Variants in SLC51B observed in about 807,000 individuals in gnomAD.
SLC51B encodes organic solute transporter subunit beta.
A neutral mutation model predicts 8.0 loss-of-function variants in SLC51B; 6 were observed. That is an observed-to-expected ratio of 0.75 (90% CI 0.41 to 1.48). SLC51B has a LOEUF of 1.48. Among genes scored for constraint, SLC51B ranks in the 40% most tolerant of loss-of-function variants. The probability of loss-of-function intolerance (pLI) is 0.01; values close to 1 mark genes in which losing one functional copy is unlikely to be tolerated. For synonymous variants in SLC51B, 61 were observed against 54.8 expected, an observed-to-expected ratio of 1.11 and a Z score of -0.50; for missense variants, 150 against 149.7, an observed-to-expected ratio of 1.00 and a Z score of -0.01.
chr15:65,050,970 G>C (rs2086646436), intron 2 of SLC51B, among the ~76,000 whole-genome samples: 1 of 150,820 alleles, frequency 6.6e-6, no homozygotes, highest in African/African-American at 2.4e-5. Context: ...TCAGTCTCCT[G>C]AGTAGCTGGG....
rs540621998 is a variant in SLC51B at position 65,048,955 on chromosome 15, A to T, written c.-108-942A>T. On this transcript the variant is annotated intron_variant, in intron 1 of 3. Coordinates refer to ENST00000334287, the MANE Select transcript of SLC51B (RefSeq NM_178859.4). ...AACCTGGGAGGCGGAGGTTGCAGTG[A>T]GCAGAGATCGTGCCACTGCACTCCA... 2.4e-4 allele frequency among the ~76,000 whole-genome samples: 36 copies of T among 148,586 alleles called. 1 individual carries two copies. The highest frequency in any genetic ancestry group is 3.4e-3 in the Middle Eastern group (1 of 290).
chr15:65,050,132 G>A, intron 2 of SLC51B, 31 bp downstream of exon 2: 1 of 1,528,120 alleles, frequency 6.5e-7, no homozygotes, highest in Non-Finnish European at 8.9e-7. Context: ...GGCAGGGGTG[G>A]GGGTGTGCCC....
intron 1 of SLC51B, among the ~76,000 whole-genome samples, chr15:65,047,985 C>T (rs1268963707): frequency 1.3e-5 from 2 of 151,984 alleles, no homozygotes; most frequent in Non-Finnish European, 2.9e-5. Context: ...TCAAGACCAG[C>T]CTGGGAAACA....
intron 1 of SLC51B, among the ~76,000 whole-genome samples, chr15:65,046,150 A>G (rs918638761): frequency 3.3e-5 from 5 of 152,218 alleles, no homozygotes; most frequent in Non-Finnish European, 5.9e-5. Flanking sequence ...ATAATACAAA[A>G]ATTAGCTGGA....
chr15:65,049,811 T>G, intron 1 of SLC51B, 86 bp from the exon 2 acceptor site: 1 of 440,864 alleles, frequency 2.3e-6, no homozygotes. Context: ...TCCCATAACT[T>G]TGGGCCAGAG....
chr15:65,049,239 G>C, intron 1 of SLC51B: 1 of 151,424 alleles, frequency 6.6e-6, no homozygotes, highest in East Asian at 1.9e-4. Flanking sequence ...GATGGAAATA[G>C]GCCTACACGA....
At chr15:65,050,821 T>TTTC (rs1431757829) in intron 2 of SLC51B, among the ~76,000 whole-genome samples, 1 of 118,894 alleles carries the variant, frequency 8.4e-6, no homozygotes, top group South Asian at 3.0e-4. Context: ...TTTTTTTTTC[T>TTTC]TTCTTCTTCT....
chr15:65,051,377 G>A (rs2086650945), intron 2 of SLC51B, 138 bp from the exon 3 acceptor site: 5 of 738,410 alleles, frequency 6.8e-6, no homozygotes, highest in Non-Finnish European at 1.2e-5. Context: ...CAGGGCAAGG[G>A]GCCCATCTTT....
Position 65,052,988 on chromosome 15 carries a change from G to T in SLC51B, c.211G>T (p.Glu71Ter). The T allele has an allele frequency of 6.2e-7, 1 of 1,613,150 alleles. No individual in the cohort carries two copies. The highest frequency in any genetic ancestry group is 8.5e-7 in the Non-Finnish European group (1 of 1,179,904). ...CAGAAAAGAAAAGATGCAGCCACCA[G>T]AAAAAGAAACTCCAGAAGTCCTGCA... is the stretch of plus-strand genomic sequence containing the variant. ...ASRKEKMQPP[E>*]KETPEVLHLD... Residue 71 changes from glutamate (E) to a stop codon, truncating the protein, a stop_gained, in exon 4 of 4, where the codon GAA (glutamate) becomes TAA (stop). Transcript: ENST00000334287. LOFTEE classifies it low-confidence loss of function (END_TRUNC).
chr15:65,049,599 G>A (rs2086623135), intron 1 of SLC51B: 1 of 153,872 alleles, frequency 6.5e-6, no homozygotes, highest in Admixed American at 6.5e-5. Context: ...GAAGCCAGGT[G>A]CGGACGCTGA....
At chr15:65,051,082 G>A (rs1371251872) in intron 2 of SLC51B, among the ~76,000 whole-genome samples, 1 of 151,982 alleles carries the variant, frequency 6.6e-6, no homozygotes, top group Admixed American at 6.6e-5. Context: ...GACCTCAGGT[G>A]ATCCACCTGA....
At chr15:65,052,265 A>G (rs1394218194) in intron 3 of SLC51B, among the ~76,000 whole-genome samples, 2 of 152,110 alleles carry the variant, frequency 1.3e-5, no homozygotes, top group East Asian at 1.9e-4. Flanking sequence ...GTGAGGGATG[A>G]GGTGTGTGGT....
Position 65,053,052 on chromosome 15 carries a change from TA to T in SLC51B, c.277del (p.Arg93GlufsTer18), listed in dbSNP as rs776892359. 5.0e-6 allele frequency: 8 copies of T among 1,613,788 alleles called. No individual in the cohort carries two copies. In the Admixed American group the frequency reaches 1.0e-4, roughly 20 times the overall value. On this transcript the variant is annotated frameshift_variant, in exon 4 of 4. Coordinates refer to ENST00000334287, the MANE Select transcript of SLC51B (RefSeq NM_178859.4). LOFTEE classifies it low-confidence loss of function (END_TRUNC). The stretch of plus-strand genomic sequence containing the variant: ...AAGGATCACAACAGCCTAAACAACC[TA>T]AGAGAAACTTTGCTCTCAGAAAAGC... ...EAKDHNSLNN[L>X]RETLLSEKPN...
At position 65,052,896 on chromosome 15, in the gene SLC51B, C is replaced by T. The variant is rs1030802945; in HGVS notation, c.189-70C>T. 8 of 1,469,096 alleles carry T rather than the reference C, an allele frequency of 5.4e-6. No individual in the cohort carries two copies. In the African/African-American group the frequency reaches 5.7e-5, roughly 10 times the overall value. 91.0% of individuals were successfully genotyped at this position (1,469,096 alleles called of 1,614,324 possible). Reference sequence around the variant, plus strand: ...GAATTTTCCCCTTAGACTCTTTAAGCCATTTGGGCGACCCAGTCCTGCCCC... The same window carrying T: ...GAATTTTCCCCTTAGACTCTTTAAGTCATTTGGGCGACCCAGTCCTGCCCC... On this transcript the variant is annotated intron_variant, in intron 3 of 3. Transcript: ENST00000334287.
At chr15:65,051,850 G>A (rs2086657765) in intron 3 of SLC51B, among the ~76,000 whole-genome samples, 1 of 152,196 alleles carries the variant, frequency 6.6e-6, no homozygotes, top group South Asian at 2.1e-4. Flanking sequence ...GGCATGACCT[G>A]GAGGAGTGTA....
Position 65,049,905 on chromosome 15 carries a change from A to G in SLC51B, c.-100A>G. On this transcript the variant is annotated 5_prime_UTR_variant, in exon 2 of 4. Transcript: ENST00000334287. The stretch of plus-strand genomic sequence containing the variant: ...GTCTGCTTTGTTTCCAGGGGTCTTC[A>G]CGGCTTCTCTGCCCAGGGGCCAGAA... 1.2e-6 allele frequency: 1 copy of G among 812,294 alleles called. No homozygotes were observed. The highest frequency in any genetic ancestry group is 1.9e-6 in the Non-Finnish European group (1 of 530,648). The allele number at this position is 812,294 out of a possible 1,614,324, so 50.3% of individuals were successfully genotyped here.
intron 1 of SLC51B, chr15:65,049,335 A>G (rs1305417405): frequency 1.3e-5 from 2 of 150,252 alleles, no homozygotes; most frequent in South Asian, 2.1e-4. Context: ...TCCAAAAAAA[A>G]AAGAAAAAGA....
rs925616576 is a variant in SLC51B at position 65,053,191 on chromosome 15, A to G, written c.*27A>G. 1 of 1,611,760 alleles carries G rather than the reference A, an allele frequency of 6.2e-7. No individual in the cohort carries two copies. Among genetic ancestry groups the G allele is most frequent in the African/African-American group, 1.3e-5 (1 of 74,884 alleles). ...GAGGGTTCAGAGAAGCCCCATCCTA[A>G]GCCAGACACATGATGTGGGCTCAGC... On this transcript the variant is annotated 3_prime_UTR_variant, in exon 4 of 4. Coordinates refer to ENST00000334287, the MANE Select transcript of SLC51B (RefSeq NM_178859.4).
chr15:65,052,867 T>G lies in SLC51B; in HGVS notation c.189-99T>G, dbSNP rs562528506. 5.7e-4 allele frequency: 622 copies of G among 1,082,696 alleles called. 7 individuals carry two copies. In the South Asian group the frequency reaches 8.7e-3, roughly 15 times the overall value. 67.1% of individuals were successfully genotyped at this position (1,082,696 alleles called of 1,614,324 possible). On this transcript the variant is annotated intron_variant, in intron 3 of 3. Coordinates refer to ENST00000334287, the MANE Select transcript of SLC51B (RefSeq NM_178859.4). ...CTCCTCTAGTAGCTCCCAAACTGCA[T>G]AGAGAATTTTCCCCTTAGACTCTTT... is the stretch of plus-strand genomic sequence containing the variant.
Sources: gnomAD v4.1 joint callset for allele counts (sites outside exome capture counted in the v4.1 genomes callset) on GRCh38, gnomAD v4.1.1 for gene constraint, MANE v1.5 for transcripts, NCBI Gene and HGNC (gene_info 2026-07-23, HGNC 2026-07-21) for gene names.